PTPRG: variants seen among roughly 807,000 people sequenced by gnomAD.
The protein encoded by PTPRG is protein tyrosine phosphatase receptor type G.
PTPRG carries 102 observed loss-of-function variants against 165.3 expected under a neutral mutation model. The observed-to-expected ratio is 0.62, with a 90% CI of 0.53 to 0.73. PTPRG has a LOEUF of 0.73. PTPRG is among the 30% of genes least tolerant of loss of function. The pLI, the probability that PTPRG is intolerant of heterozygous loss-of-function variation, is 0.00. For synonymous variants in PTPRG, 675 were observed against 669.5 expected (o/e 1.01, Z -0.13); for missense variants, 1,866 against 1,861.4 (o/e 1.00, Z -0.05).
At chr3:61,972,936 G>C (rs528932559) in intron 2 of PTPRG, among the ~76,000 whole-genome samples, 6 of 152,082 alleles carry the variant, frequency 3.9e-5, no homozygotes, top group African/African-American at 1.4e-4. Context: ...TGGGCTTATA[G>C]GCATGCATCT....
chr3:62,166,084 A>G (rs1704963733), intron 7 of PTPRG, among the ~76,000 whole-genome samples: 1 of 150,652 alleles, frequency 6.6e-6, no homozygotes, highest in Non-Finnish European at 1.5e-5. Flanking sequence ...AAGCACTCTT[A>G]TTTGGCACCA....
chr3:61,928,708 A>G (rs2039286007), intron 2 of PTPRG, among the ~76,000 whole-genome samples: 1 of 152,190 alleles, frequency 6.6e-6, no homozygotes, highest in African/African-American at 2.4e-5. Flanking sequence ...TCTGTTTTAA[A>G]AGTTTAAATA....
intron 1 of PTPRG, among the ~76,000 whole-genome samples, chr3:61,579,676 C>G (rs944533105): frequency 6.6e-6 from 1 of 152,344 alleles, no homozygotes; most frequent in African/African-American, 2.4e-5. Flanking sequence ...TCTGTTCATA[C>G]ATGGATACCA....
At chr3:62,033,806 C>T (rs1185913388) in intron 4 of PTPRG, among the ~76,000 whole-genome samples, 1 of 152,006 alleles carries the variant, frequency 6.6e-6, no homozygotes, top group Non-Finnish European at 1.5e-5. Context: ...CTCACTCTGT[C>T]CTCCGGGCTG....
At chr3:61,853,969 A>G (rs188015473) in intron 2 of PTPRG, among the ~76,000 whole-genome samples, 101 of 152,242 alleles carry the variant, frequency 6.6e-4, no homozygotes, top group Non-Finnish European at 3.1e-4. Context: ...CTTTACTTCA[A>G]ATGGCCACAT....
intron 1 of PTPRG, among the ~76,000 whole-genome samples, chr3:61,691,809 TA>T (rs1477986412): frequency 4.6e-5 from 7 of 152,188 alleles, no homozygotes; most frequent in Non-Finnish European, 8.8e-5. Context: ...TTTAATATCA[TA>T]AAAAGCATAT....
intron 8 of PTPRG, among the ~76,000 whole-genome samples, chr3:62,177,548 G>A (rs190009661): frequency 2.0e-5 from 3 of 152,284 alleles, no homozygotes; most frequent in Admixed American, 1.3e-4. Flanking sequence ...CAGGCTGTTC[G>A]AACTTGTCAA....
intron 1 of PTPRG, among the ~76,000 whole-genome samples, chr3:61,629,881 C>T (rs1176255409): frequency 6.6e-6 from 1 of 152,188 alleles, no homozygotes. Context: ...GCTCCTTAGC[C>T]TTTCAAGGGC....
chr3:61,708,696 A>G (rs1166477725), intron 1 of PTPRG, among the ~76,000 whole-genome samples: 4 of 151,878 alleles, frequency 2.6e-5, no homozygotes, highest in Non-Finnish European at 5.9e-5. Flanking sequence ...TGACCTCATG[A>G]TCCGCCCGCC....
intron 12 of PTPRG, among the ~76,000 whole-genome samples, chr3:62,204,800 T>C (rs1420408310): frequency 1.3e-5 from 2 of 152,194 alleles, no homozygotes; most frequent in Non-Finnish European, 2.9e-5. Flanking sequence ...CATGAGATCC[T>C]CATCTCCTGG....
At chr3:61,677,843 A>T (rs1703287410) in intron 1 of PTPRG, among the ~76,000 whole-genome samples, 1 of 152,162 alleles carries the variant, frequency 6.6e-6, no homozygotes, top group Admixed American at 6.5e-5. Context: ...GTCAGTTATA[A>T]AGAGTCCTTA....
intron 4 of PTPRG, among the ~76,000 whole-genome samples, chr3:62,038,410 T>A (rs1700018632): frequency 6.6e-6 from 1 of 152,210 alleles, no homozygotes; most frequent in Admixed American, 6.5e-5. Flanking sequence ...TATTTTTATT[T>A]TTTTGGAGAC....
intron 2 of PTPRG, among the ~76,000 whole-genome samples, chr3:61,809,697 T>C (rs1485470266): frequency 1.3e-5 from 2 of 152,198 alleles, no homozygotes; most frequent in African/African-American, 4.8e-5. Context: ...ATAGTTATTC[T>C]GTATTAATAT....
chr3:61,687,103 G>A (rs1703658905), intron 1 of PTPRG, among the ~76,000 whole-genome samples: 1 of 152,204 alleles, frequency 6.6e-6, no homozygotes, highest in African/African-American at 2.4e-5. Flanking sequence ...TTACCAGTTA[G>A]ACAATACCTA....
intron 2 of PTPRG, among the ~76,000 whole-genome samples, chr3:61,758,827 A>G (rs1333601525): frequency 6.6e-6 from 1 of 152,096 alleles, no homozygotes; most frequent in Non-Finnish European, 1.5e-5. Context: ...GAAGAACGTA[A>G]GGAGGACCCA....
chr3:61,731,624 G>A (rs1004558213), intron 1 of PTPRG, among the ~76,000 whole-genome samples: 1 of 152,084 alleles, frequency 6.6e-6, no homozygotes, highest in African/African-American at 2.4e-5. Flanking sequence ...TGGGATTACA[G>A]GCGTGAGCCA....
At chr3:61,888,651 A>G (rs1033439748) in intron 2 of PTPRG, among the ~76,000 whole-genome samples, 5 of 152,338 alleles carry the variant, frequency 3.3e-5, no homozygotes, top group African/African-American at 1.2e-4. Context: ...ATTTTCTTAC[A>G]TAACAAAAGT....
intron 20 of PTPRG, 56 bp downstream of exon 20, chr3:62,269,225 A>T: frequency 6.7e-7 from 1 of 1,492,332 alleles, no homozygotes; most frequent in Admixed American, 1.9e-5. Flanking sequence ...CTTGTATGAA[A>T]ATTACTGTAC....
chr3:62,165,399 A>G (rs931546436), intron 7 of PTPRG, among the ~76,000 whole-genome samples: 3 of 152,180 alleles, frequency 2.0e-5, no homozygotes, highest in Non-Finnish European at 4.4e-5. Context: ...AGTTCATATC[A>G]TGAGGTGGAG....
Sources: allele counts gnomAD v4.1 joint callset (sites outside exome capture counted in the v4.1 genomes callset), GRCh38; gene constraint gnomAD v4.1.1; transcripts MANE v1.5; gene names NCBI Gene and HGNC (gene_info 2026-07-23, HGNC 2026-07-21).